Variants in SOS1 observed in about 807,000 individuals in gnomAD.
The protein encoded by SOS1 is SOS Ras/Rac guanine nucleotide exchange factor 1, also known as son of sevenless homolog 1.
Under a neutral mutation model 157.6 loss-of-function variants are expected in SOS1, and 25 were observed. The observed-to-expected ratio is 0.16, with a 90% confidence interval of 0.12 to 0.22. The LOEUF is 0.22. Among genes scored for constraint, SOS1 ranks in the 10% least tolerant of loss-of-function variants. The pLI is 1.00. For missense variants in SOS1, 1,237 were observed against 1,599.1 expected (o/e 0.77, Z 3.86); for synonymous variants, 528 against 534.0 (o/e 0.99, Z 0.16).
chr2:39,046,544 G>A (rs1164821232), intron 6 of SOS1, among the ~76,000 whole-genome samples: 5 of 139,046 alleles, frequency 3.6e-5, no homozygotes, highest in Admixed American at 7.3e-5. Context: ...TCGCTCTGTC[G>A]CCCAGGCTGG....
intron 6 of SOS1, among the ~76,000 whole-genome samples, chr2:39,038,861 G>C (rs1670453653): frequency 6.6e-6 from 1 of 151,966 alleles, no homozygotes; most frequent in Non-Finnish European, 1.5e-5. Flanking sequence ...GGCAGAGTTT[G>C]AGAGGATTGA....
At chr2:39,092,292 C>T (rs1558509709) in intron 1 of SOS1, among the ~76,000 whole-genome samples, 1 of 152,200 alleles carries the variant, frequency 6.6e-6, no homozygotes, top group South Asian at 2.1e-4. Context: ...TACTGCTTGT[C>T]TTGATGTTTC....
At chr2:39,067,991 C>T (rs567706895) in intron 1 of SOS1, among the ~76,000 whole-genome samples, 12 of 152,130 alleles carry the variant, frequency 7.9e-5, no homozygotes, top group Admixed American at 6.5e-4. Context: ...TTGTGGTGTG[C>T]GCCTGTAATC....
chr2:39,019,436 G>C (rs1250625047), intron 10 of SOS1, among the ~76,000 whole-genome samples: 1 of 151,598 alleles, frequency 6.6e-6, no homozygotes. Flanking sequence ...TCTTACTTAG[G>C]ATAAGGAAAT....
chr2:39,071,455 T>C (rs748868904), intron 1 of SOS1, among the ~76,000 whole-genome samples: 1 of 152,140 alleles, frequency 6.6e-6, no homozygotes, highest in Non-Finnish European at 1.5e-5. Flanking sequence ...CCTATAAATC[T>C]TTACAATTTG....
intron 8 of SOS1, chr2:39,034,807 T>C (rs1293628944): frequency 6.6e-6 from 3 of 457,358 alleles, no homozygotes; most frequent in South Asian, 4.6e-5. Context: ...TCACACTGGC[T>C]CCCTTATCCT....
At chr2:38,987,370 T>C in intron 22 of SOS1, 103 bp downstream of exon 22, 1 of 715,790 alleles carries the variant, frequency 1.4e-6, no homozygotes. Flanking sequence ...GCCTGTATAC[T>C]CTGAAATGTT....
intron 1 of SOS1, among the ~76,000 whole-genome samples, chr2:39,071,013 C>T (rs1234215546): frequency 3.3e-5 from 5 of 152,112 alleles, no homozygotes; most frequent in African/African-American, 7.2e-5. Context: ...CAGGTGCCTG[C>T]CACCACGTTG....
chr2:39,075,191 C>A (rs1029568175), intron 1 of SOS1, among the ~76,000 whole-genome samples: 47 of 152,000 alleles, frequency 3.1e-4, no homozygotes, highest in Non-Finnish European at 3.1e-4. Context: ...AGACCTGGAC[C>A]GAGGCACAAA....
chr2:39,025,006 A>G (rs1253663478), intron 8 of SOS1, among the ~76,000 whole-genome samples: 5 of 152,232 alleles, frequency 3.3e-5, no homozygotes, highest in Admixed American at 1.3e-4. Context: ...TTGTCAATAC[A>G]GTAAGGTGGC....
Position 38,987,568 on chromosome 2 carries a change from T to G in SOS1, c.3415A>C (p.Ser1139Arg). The part of the protein sequence containing the change: ...GPRSASVSSI[S>R]LTKGTDEVPV... ...ACTTCATCAGTGCCTTTGGTTAAAC[T>G]TATAGATGATACAGAAGCAGATCCT... The change falls in exon 22 of 23, where the codon AGT becomes CGT. Residue 1139 changes from serine (S) to arginine (R), a missense_variant. Physicochemically the swap from Ser to Arg is moderately radical, Grantham distance 110 (BLOSUM62 -1). Coordinates refer to ENST00000402219, the MANE Select transcript of SOS1 (RefSeq NM_005633.4). 1 of 1,578,468 alleles carries G rather than the reference T, an allele frequency of 6.3e-7. No individual in the cohort carries two copies. Among genetic ancestry groups the G allele is most frequent in the East Asian group, 2.2e-5 (1 of 44,602 alleles).
At chr2:38,989,231 C>T (rs772021964) in intron 21 of SOS1, 39 bp downstream of exon 21, 2 of 1,458,672 alleles carry the variant, frequency 1.4e-6, no homozygotes, top group South Asian at 1.1e-5. Context: ...TTTTTAAAGC[C>T]AAAGCAAGAA....
intron 10 of SOS1, among the ~76,000 whole-genome samples, chr2:39,019,181 T>C (rs962815598): frequency 6.6e-6 from 1 of 151,718 alleles, no homozygotes; most frequent in Non-Finnish European, 1.5e-5. Context: ...AAACACCTTT[T>C]CCCTCACTTC....
intron 1 of SOS1, among the ~76,000 whole-genome samples, chr2:39,103,303 G>A (rs549623505): frequency 2.0e-5 from 3 of 152,016 alleles, no homozygotes; most frequent in Non-Finnish European, 4.4e-5. Context: ...AAACGGAAAT[G>A]CTGACCCTCA....
chr2:39,110,039 CGTGTGTGTGTGTGTGTGT>C (rs779110307), intron 1 of SOS1, among the ~76,000 whole-genome samples: 1 of 135,420 alleles, frequency 7.4e-6, no homozygotes, highest in South Asian at 2.4e-4. Context: ...TGTGTGTGTG[CGTGTGTGTGTGTGTGTGT>C]GTGTGTGTGT....
chr2:38,995,566 C>T (rs1481836818), intron 19 of SOS1, among the ~76,000 whole-genome samples, 179 bp from the exon 20 acceptor site: 1 of 152,010 alleles, frequency 6.6e-6, no homozygotes, highest in South Asian at 2.1e-4. Flanking sequence ...TTTGCTAAAG[C>T]CCTGGTATCT....
intron 2 of SOS1, among the ~76,000 whole-genome samples, chr2:39,062,381 G>A (rs1331690083): frequency 6.9e-6 from 1 of 145,098 alleles, no homozygotes; most frequent in Non-Finnish European, 1.5e-5. Context: ...TCACACCACT[G>A]CACTCCAGCC....
chr2:39,068,162 G>A (rs1671656746), intron 1 of SOS1, among the ~76,000 whole-genome samples: 1 of 152,162 alleles, frequency 6.6e-6, no homozygotes, highest in Non-Finnish European at 1.5e-5. Flanking sequence ...GGTCTGGCTT[G>A]CAAATACAGA....
intron 11 of SOS1, among the ~76,000 whole-genome samples, chr2:39,014,384 A>G (rs1669565824): frequency 6.6e-6 from 1 of 152,032 alleles, no homozygotes; most frequent in South Asian, 2.1e-4. Flanking sequence ...GGGTACATGA[A>G]ATATTTTCCT....
Sources: gnomAD v4.1 joint callset for allele counts (sites outside exome capture counted in the v4.1 genomes callset) on GRCh38, gnomAD v4.1.1 for gene constraint, MANE v1.5 for transcripts, NCBI Gene and HGNC (gene_info 2026-07-23, HGNC 2026-07-21) for gene names.